Variants in LMO7 observed in about 807,000 individuals in gnomAD.
LMO7 encodes the protein LIM domain only protein 7.
LMO7 carries 120 observed loss-of-function variants against 206.5 expected under a neutral mutation model. The observed-to-expected ratio is 0.58, with a 90% CI of 0.50 to 0.68. The LOEUF (loss-of-function observed/expected upper bound fraction) is 0.68. Among genes scored for constraint, LMO7 ranks in the 30% least tolerant of loss-of-function variants. The pLI is 0.00. For missense variants in LMO7, 1,959 were observed against 1,957.9 expected (o/e 1.00, Z -0.01); for synonymous variants, 706 against 681.5 (o/e 1.04, Z -0.56).
Position 75,834,309 on chromosome 13 carries a change from AAAGAGTGGGAGG to A in LMO7, c.3152_3163del (p.Glu1051_Glu1054del). 6.2e-7 allele frequency: 1 copy of A among 1,611,940 alleles called. No homozygotes were observed. The highest frequency in any genetic ancestry group is 1.3e-5 in the African/African-American group (1 of 74,930). ...CACCAAGTTTTCATATAACGATTCA[AAAGAGTGGGAGG>A]AAGCCATGGCTAAGGCTCAAGAAAC... is the stretch of plus-strand genomic sequence containing the variant. On this transcript the variant is annotated inframe_deletion, in exon 17 of 31. Transcript: ENST00000377534.
chr13:75,732,541 A>G (rs1395414494), intron 3 of LMO7, among the ~76,000 whole-genome samples: 1 of 152,032 alleles, frequency 6.6e-6, no homozygotes, highest in Non-Finnish European at 1.5e-5. Context: ...TTTTTTTCAA[A>G]GTTTTCAACT....
At chr13:75,822,731 G>A (rs1173500740) in intron 14 of LMO7, among the ~76,000 whole-genome samples, 3 of 141,872 alleles carry the variant, frequency 2.1e-5, no homozygotes, top group East Asian at 2.1e-4. Flanking sequence ...ACATTACTTC[G>A]GCAGTGTGTT....
chr13:75,637,279 C>T (rs1384865101), intron 1 of LMO7, among the ~76,000 whole-genome samples: 2 of 152,102 alleles, frequency 1.3e-5, no homozygotes, highest in Non-Finnish European at 2.9e-5. Context: ...CATCCAAGCC[C>T]AGGGGGTAGG....
At chr13:75,768,294 C>T (rs925749403) in intron 4 of LMO7, among the ~76,000 whole-genome samples, 12 of 152,034 alleles carry the variant, frequency 7.9e-5, no homozygotes, top group Admixed American at 4.6e-4. Context: ...AAAACTTATC[C>T]CTTTTCTCCA....
intron 1 of LMO7, among the ~76,000 whole-genome samples, chr13:75,655,637 T>TTATATATATATATATATATA: frequency 7.4e-6 from 1 of 134,722 alleles, no homozygotes; most frequent in South Asian, 2.3e-4. Context: ...TTCATGGATT[T>TTATATATATATATATATATA]TATATATATA....
At chr13:75,842,262 T>G (rs967697052) in intron 24 of LMO7, among the ~76,000 whole-genome samples, 11 of 152,162 alleles carry the variant, frequency 7.2e-5, no homozygotes, top group Non-Finnish European at 1.6e-4. Context: ...CCTCTACTCT[T>G]CCCCTTACTC....
intron 4 of LMO7, among the ~76,000 whole-genome samples, chr13:75,786,950 A>C (rs563842039): frequency 6.6e-6 from 1 of 152,328 alleles, no homozygotes; most frequent in East Asian, 1.9e-4. Flanking sequence ...CAGTTTAAAA[A>C]TCTTAAGGAC....
At chr13:75,758,396 G>A (rs1039613779) in intron 3 of LMO7, among the ~76,000 whole-genome samples, 1 of 152,126 alleles carries the variant, frequency 6.6e-6, no homozygotes, top group Admixed American at 6.5e-5. Flanking sequence ...CTCAAATCCA[G>A]TAGGAATGAC....
At chr13:75,764,356 G>A (rs995187958) in intron 4 of LMO7, among the ~76,000 whole-genome samples, 2 of 152,056 alleles carry the variant, frequency 1.3e-5, no homozygotes, top group Non-Finnish European at 2.9e-5. Flanking sequence ...CAAAGAAAAC[G>A]TGGTGAAGTT....
At chr13:75,839,890 T>C in intron 20 of LMO7, 195 bp from the exon 21 acceptor site, 2 of 517,180 alleles carry the variant, frequency 3.9e-6, no homozygotes, top group Admixed American at 3.2e-5. Flanking sequence ...AACTTTGAAT[T>C]TGAAAGATGA....
chr13:75,630,806 T>C (rs1367010912), intron 2 of LMO7, among the ~76,000 whole-genome samples: 1 of 148,072 alleles, frequency 6.8e-6, no homozygotes, highest in Non-Finnish European at 1.5e-5. Context: ...CTGCCTGTTT[T>C]CTTTTTTCTT....
At chr13:75,843,656 G>T (rs1353206050) in intron 25 of LMO7, among the ~76,000 whole-genome samples, 1 of 152,180 alleles carries the variant, frequency 6.6e-6, no homozygotes, top group African/African-American at 2.4e-5. Context: ...CAGATATCTG[G>T]AAAGTTACAT....
chr13:75,821,224 ATTC>A lies in LMO7; in HGVS notation c.2258_2260del (p.Ser753del). Reference sequence around the variant, plus strand: ...ACAGTTCCGTCAAGAAGGAGAATGTATTCTTTTGATGATGTGCTGGAGGAAGGA... The same window carrying A: ...ACAGTTCCGTCAAGAAGGAGAATGTATTTTGATGATGTGCTGGAGGAAGGA... On this transcript the variant is annotated inframe_deletion, in exon 14 of 31. Coordinates refer to ENST00000377534, the MANE Select transcript of LMO7 (RefSeq NM_001306080.2). 1 of 1,612,918 alleles carries A rather than the reference ATTC, an allele frequency of 6.2e-7. No individual in the cohort carries two copies. Among genetic ancestry groups the A allele is most frequent in the South Asian group, 1.1e-5 (1 of 90,820 alleles).
intron 3 of LMO7, among the ~76,000 whole-genome samples, chr13:75,751,993 T>A (rs1268562713): frequency 6.6e-6 from 1 of 152,194 alleles, no homozygotes; most frequent in Non-Finnish European, 1.5e-5. Flanking sequence ...GGTGTTGTAG[T>A]ACATTTTCAT....
At chr13:75,829,967 G>A (rs2058503329) in intron 15 of LMO7, among the ~76,000 whole-genome samples, 1 of 151,950 alleles carries the variant, frequency 6.6e-6, no homozygotes, top group African/African-American at 2.4e-5. Flanking sequence ...TCTTTTTCTG[G>A]CATGAACAAC....
intron 3 of LMO7, among the ~76,000 whole-genome samples, chr13:75,736,822 A>G (rs1050053201): frequency 6.6e-6 from 1 of 152,248 alleles, no homozygotes; most frequent in Non-Finnish European, 1.5e-5. Context: ...AGAAGAATGA[A>G]TAATCTGAGC....
At chr13:75,806,351 A>G (rs1302724496) in intron 9 of LMO7, 4 of 609,470 alleles carry the variant, frequency 6.6e-6, no homozygotes, top group Admixed American at 6.2e-5. Context: ...CTGGGACCTG[A>G]TTGCACTGAA....
intron 30 of LMO7, 63 bp from the exon 31 acceptor site, chr13:75,857,858 A>C: frequency 8.5e-7 from 1 of 1,171,288 alleles, no homozygotes; most frequent in African/African-American, 1.6e-5. Flanking sequence ...TATGTATCCC[A>C]GATGGCAATA....
chr13:75,841,910 C>T lies in LMO7; in HGVS notation c.3958C>T (p.Arg1320Cys), dbSNP rs370201649. The change falls in exon 24 of 31, where the codon CGT becomes TGT. Residue 1320 changes from arginine to cysteine, a missense_variant. Coordinates refer to ENST00000377534, the MANE Select transcript of LMO7 (RefSeq NM_001306080.2). ...TCAGGCTGAGGCTGAGGAGCAGAAGCGTCCTGCGGAGGAGCAGAAGCGCCA... is the reference window on the plus strand; with the variant it reads ...TCAGGCTGAGGCTGAGGAGCAGAAGTGTCCTGCGGAGGAGCAGAAGCGCCA... The part of the protein sequence containing the change: ...RLQAEAEEQK[R>C]PAEEQKRQAE... 37 of 1,613,624 alleles carry T rather than the reference C, an allele frequency of 2.3e-5. No homozygotes were observed. The highest frequency in any genetic ancestry group is 6.7e-5 in the African/African-American group (5 of 74,912).
Sources: allele counts gnomAD v4.1 joint callset (sites outside exome capture counted in the v4.1 genomes callset), GRCh38; gene constraint gnomAD v4.1.1; transcripts MANE v1.5; gene names NCBI Gene and HGNC (gene_info 2026-07-23, HGNC 2026-07-21).